HIPK2: variants seen among roughly 807,000 people sequenced by gnomAD.
HIPK2 encodes homeodomain-interacting protein kinase 2.
In HIPK2, 27 loss-of-function variants were observed where a neutral mutation model predicts 113.7. The ratio of observed to expected loss-of-function variants is 0.24; its 90% confidence interval spans 0.17 to 0.33. The LOEUF (loss-of-function observed/expected upper bound fraction) is 0.33. HIPK2 is among the 10% of genes least tolerant of loss of function. The probability of loss-of-function intolerance (pLI) is 1.00; values close to 1 mark genes in which losing one functional copy is unlikely to be tolerated. For synonymous variants in HIPK2, 631 were observed against 642.2 expected, an observed-to-expected ratio of 0.98 and a Z score of 0.26; for missense variants, 1,257 against 1,588.0, an observed-to-expected ratio of 0.79 and a Z score of 3.54.
chr7:139,701,903 G>C (rs1320679103), intron 2 of HIPK2, among the ~76,000 whole-genome samples: 5 of 152,166 alleles, frequency 3.3e-5, no homozygotes, highest in African/African-American at 1.2e-4. Context: ...ACGGTGAGCA[G>C]GTCAGGCTGC....
chr7:139,646,012 AAG>A lies in HIPK2; in HGVS notation c.1104-14289_1104-14288del, dbSNP rs1240814569. ...TCAACTTTTCTTAAAGGAGCTGAAA[AAG>A]AACAAACCAAACCAAACCAAACCAA... On this transcript the variant is annotated intron_variant, in intron 2 of 14. Coordinates refer to ENST00000406875, the MANE Select transcript of HIPK2 (RefSeq NM_022740.5). Among the ~76,000 whole-genome samples the A allele has an allele frequency of 2.6e-5, 4 of 152,144 alleles. 1 individual carries two copies. In the South Asian group the frequency reaches 8.3e-4, roughly 31 times the overall value.
intron 2 of HIPK2, among the ~76,000 whole-genome samples, chr7:139,702,643 C>G (rs1030478071): frequency 5.3e-5 from 8 of 152,154 alleles, no homozygotes; most frequent in Non-Finnish European, 4.4e-5. Context: ...ATAACGATTA[C>G]AGGGAAAACC....
chr7:139,632,235 T>C (rs1420023216), intron 2 of HIPK2, among the ~76,000 whole-genome samples: 1 of 152,166 alleles, frequency 6.6e-6, no homozygotes, highest in Non-Finnish European at 1.5e-5. Context: ...GCTATAGTCT[T>C]GAACTTCTGA....
rs1342631929 is a variant in HIPK2 at position 139,563,682 on chromosome 7, A to T, written c.*9245T>A. ...ACAGGAAAGTGGGAGTATGATTAGG[A>T]GGGGTGAGATGAAAACTATTTTACA... is the stretch of plus-strand genomic sequence containing the variant. On this transcript the variant is annotated 3_prime_UTR_variant, in exon 15 of 15. Coordinates refer to ENST00000406875, the MANE Select transcript of HIPK2 (RefSeq NM_022740.5). 7.6e-6 allele frequency: 3 copies of T among 396,970 alleles called. No homozygotes were observed. Among genetic ancestry groups the T allele is most frequent in the Non-Finnish European group, 1.3e-5 (3 of 225,654 alleles). The allele number at this position is 396,970 out of a possible 1,614,324, so 24.6% of individuals were successfully genotyped here.
intron 2 of HIPK2, among the ~76,000 whole-genome samples, chr7:139,663,813 G>A (rs1238708832): frequency 6.6e-6 from 1 of 152,084 alleles, no homozygotes; most frequent in African/African-American, 2.4e-5. Flanking sequence ...ACTGAGCAAG[G>A]AGAAGGAACT....
intron 2 of HIPK2, among the ~76,000 whole-genome samples, chr7:139,694,339 C>T (rs138262210): frequency 3.3e-3 from 506 of 152,336 alleles, no homozygotes; most frequent in Admixed American, 6.1e-3. Context: ...GTTCTGTCAC[C>T]TAGCCCAGTG....
intron 2 of HIPK2, among the ~76,000 whole-genome samples, chr7:139,656,363 A>T (rs1275382435): frequency 6.6e-6 from 1 of 152,116 alleles, no homozygotes; most frequent in Non-Finnish European, 1.5e-5. Context: ...TTCATCTCCA[A>T]AATTAGGATG....
chr7:139,649,603 G>T (rs1801383790), intron 2 of HIPK2, among the ~76,000 whole-genome samples: 1 of 151,972 alleles, frequency 6.6e-6, no homozygotes, highest in African/African-American at 2.4e-5. Context: ...TTTGGAAAGT[G>T]GGTCCCAGAA....
At chr7:139,762,244 TC>T (rs757377012) in intron 1 of HIPK2, among the ~76,000 whole-genome samples, 2 of 152,278 alleles carry the variant, frequency 1.3e-5, no homozygotes, top group Middle Eastern at 3.4e-3. Context: ...AAAGATTTCT[TC>T]CCCAGATGGT....
chr7:139,679,818 C>T (rs1413485278), intron 2 of HIPK2, among the ~76,000 whole-genome samples: 1 of 152,086 alleles, frequency 6.6e-6, no homozygotes, highest in Non-Finnish European at 1.5e-5. Flanking sequence ...CCTAAAGAAA[C>T]TCAAACATTG....
At chr7:139,679,142 A>C (rs931423129) in intron 2 of HIPK2, among the ~76,000 whole-genome samples, 1 of 152,190 alleles carries the variant, frequency 6.6e-6, no homozygotes, top group Non-Finnish European at 1.5e-5. Context: ...TCCTACTTGA[A>C]TACGTTTTAT....
At position 139,683,376 on chromosome 7, in the gene HIPK2, C is replaced by G. The variant is rs1794114052; in HGVS notation, c.1103+32556G>C. Among the ~76,000 whole-genome samples the G allele has an allele frequency of 6.6e-6, 1 of 151,908 alleles. No homozygotes were observed. The highest frequency in any genetic ancestry group is 1.5e-5 in the Non-Finnish European group (1 of 68,034). ...TAGCCGGGTCTGGTGCAGGGTCCCT[C>G]ATGAGGCTGCGATCAAGATGTTTCC... On this transcript the variant is annotated intron_variant, in intron 2 of 14. Transcript: ENST00000406875. The surrounding 1 kb of genome is among the most constrained non-coding windows in gnomAD (Gnocchi z 4.2).
At chr7:139,706,245 C>T (rs1425506282) in intron 2 of HIPK2, among the ~76,000 whole-genome samples, 2 of 152,112 alleles carry the variant, frequency 1.3e-5, no homozygotes, top group Non-Finnish European at 1.5e-5. Context: ...GGTGGAAAGA[C>T]GAGATGGGAA....
chr7:139,757,131 C>T (rs941747798), intron 1 of HIPK2, among the ~76,000 whole-genome samples: 4 of 152,164 alleles, frequency 2.6e-5, no homozygotes, highest in Non-Finnish European at 5.9e-5. Context: ...GACACAGACA[C>T]TTAGACATAT....
intron 1 of HIPK2, among the ~76,000 whole-genome samples, chr7:139,760,783 A>G (rs1266735357): frequency 6.6e-6 from 1 of 152,230 alleles, no homozygotes; most frequent in Non-Finnish European, 1.5e-5. Context: ...GAAGTTCTCT[A>G]GAAACAAGTC....
At chr7:139,655,980 C>G (rs939891898) in intron 2 of HIPK2, among the ~76,000 whole-genome samples, 1 of 152,172 alleles carries the variant, frequency 6.6e-6, no homozygotes, top group African/African-American at 2.4e-5. Context: ...TGGTTCTCAT[C>G]CTCAGCCTTG....
chr7:139,753,416 C>CG (rs1796312225), intron 1 of HIPK2, among the ~76,000 whole-genome samples: 1 of 152,316 alleles, frequency 6.6e-6, no homozygotes, highest in African/African-American at 2.4e-5. Context: ...CAGTGACTCT[C>CG]TAAGGATGAA....
intron 9 of HIPK2, among the ~76,000 whole-genome samples, chr7:139,611,967 T>C (rs968515960): frequency 2.0e-5 from 3 of 152,178 alleles, no homozygotes; most frequent in South Asian, 2.1e-4. Flanking sequence ...ATAAAGCAGA[T>C]TTTTGGTTTC....
At chr7:139,619,474 C>A (rs1337718722) in intron 7 of HIPK2, among the ~76,000 whole-genome samples, 1 of 152,166 alleles carries the variant, frequency 6.6e-6, no homozygotes, top group Non-Finnish European at 1.5e-5. Context: ...ATCCAAGTTT[C>A]AAGCAGTATG....
Sources: allele counts gnomAD v4.1 joint callset (sites outside exome capture counted in the v4.1 genomes callset), GRCh38; gene constraint gnomAD v4.1.1; non-coding constraint Gnocchi (gnomAD v3.1); transcripts MANE v1.5; gene names NCBI Gene and HGNC (gene_info 2026-07-23, HGNC 2026-07-21).